Variants in ARPC2 observed in about 807,000 individuals in gnomAD.
The protein encoded by ARPC2 is actin-related protein 2/3 complex subunit 2.
ARPC2 carries 4 observed loss-of-function variants against 38.6 expected under a neutral mutation model. The observed-to-expected ratio is 0.10, with a 90% confidence interval of 0.05 to 0.24. The LOEUF is 0.24. Among genes scored for constraint, ARPC2 ranks in the 10% least tolerant of loss-of-function variants. The pLI, the probability that ARPC2 is intolerant of heterozygous loss-of-function variation, is 1.00. For missense variants in ARPC2, 229 were observed against 387.3 expected, an observed-to-expected ratio of 0.59 and a Z score of 3.43; for synonymous variants, 125 against 140.8, an observed-to-expected ratio of 0.89 and a Z score of 0.79.
chr2:218,245,280 G>T, intron 7 of ARPC2, 140 bp from the exon 8 acceptor site: 2 of 1,020,826 alleles, frequency 2.0e-6, no homozygotes, highest in Non-Finnish European at 2.9e-6. Flanking sequence ...CATATTTCAG[G>T]TTTGGTGTAG....
In ARPC2 at chr2:218,232,576, C is replaced by T. The variant is rs183550578; in HGVS notation, c.223-1776C>T. On this transcript the variant is annotated intron_variant, in intron 4 of 10. Transcript: ENST00000315717. ...TTTTTTTTTTTTTTTTTTTTTGAGA[C>T]GGAGTCTTGCTCTGTCACCCGGGCT... Among the ~76,000 whole-genome samples, 999 of 110,484 alleles carry T rather than the reference C, an allele frequency of 9.0e-3. 9 individuals carry two copies. Among genetic ancestry groups the T allele is most frequent in the African/African-American group, 0.029 (838 of 28,410 alleles). The allele number at this position is 110,484 out of a possible 152,430, so 72.5% of individuals were successfully genotyped here. A position where few individuals can be genotyped will look rare whatever the true frequency, so the allele number is the denominator to read the frequency against.
chr2:218,249,915 C>T lies in ARPC2; in HGVS notation c.872C>T (p.Thr291Ile), dbSNP rs1343696871. The T allele has an allele frequency of 6.2e-7, 1 of 1,610,042 alleles. No individual in the cohort carries two copies. The highest frequency in any genetic ancestry group is 1.7e-5 in the Admixed American group (1 of 59,486). The part of the protein sequence containing the change: ...RPDAEKKEMK[T>I]ITGKTFSSR ...GATGCCGAGAAAAAAGAAATGAAAA[C>T]AATCACGTAAGTTAGGCAGCACCCC... is the stretch of plus-strand genomic sequence containing the variant. The change falls in exon 10 of 11, where the codon ACA becomes ATA. Residue 291 changes from threonine to isoleucine, a missense_variant. Around this residue, in one of 3 missense-constraint regions of ARPC2, gnomAD observed 92 missense variants for 152.3 expected, o/e 0.60. Coordinates refer to ENST00000315717, the MANE Select transcript of ARPC2 (RefSeq NM_152862.3).
chr2:218,220,518 C>G (rs189476814), intron 2 of ARPC2, among the ~76,000 whole-genome samples: 3 of 152,192 alleles, frequency 2.0e-5, no homozygotes, highest in African/African-American at 7.2e-5. Flanking sequence ...ACTGTTCCAG[C>G]TTCTGAAAAT....
chr2:218,227,823 C>T (rs1011034425), intron 3 of ARPC2, among the ~76,000 whole-genome samples: 5 of 152,112 alleles, frequency 3.3e-5, no homozygotes, highest in Admixed American at 6.5e-5. Context: ...AACTCCTGAC[C>T]TCAAGTGATC....
At chr2:218,217,341 C>T (rs1194411407) in intron 1 of ARPC2, 87 bp downstream of exon 1, 4 of 811,048 alleles carry the variant, frequency 4.9e-6, no homozygotes, top group South Asian at 1.6e-5. Flanking sequence ...GGCCCCTCTC[C>T]CCTTCTCCCC....
At chr2:218,219,212 C>T (rs1273845203) in intron 2 of ARPC2, among the ~76,000 whole-genome samples, 1 of 152,204 alleles carries the variant, frequency 6.6e-6, no homozygotes, top group Non-Finnish European at 1.5e-5. Context: ...GTATTAATGA[C>T]TTGTGATTCC....
chr2:218,225,818 A>C (rs923252336), intron 2 of ARPC2, 102 bp from the exon 3 acceptor site: 5 of 1,084,514 alleles, frequency 4.6e-6, no homozygotes, highest in Non-Finnish European at 7.1e-6. Context: ...ATTTATACAG[A>C]ATGGTCTGAT....
chr2:218,249,741 A>G (rs1202980620), intron 9 of ARPC2, 80 bp from the exon 10 acceptor site: 2 of 1,386,422 alleles, frequency 1.4e-6, no homozygotes, highest in African/African-American at 1.4e-5. Flanking sequence ...ACCGCCCTTG[A>G]TGACCTCTCT....
chr2:218,234,697 T>G (rs1689727617), intron 5 of ARPC2: 4 of 485,554 alleles, frequency 8.2e-6, no homozygotes, highest in African/African-American at 3.9e-5. Flanking sequence ...TCATGGTGAT[T>G]AAAATGGCTT....
chr2:218,238,389 C>T (rs1264044814), intron 5 of ARPC2, among the ~76,000 whole-genome samples: 2 of 152,198 alleles, frequency 1.3e-5, no homozygotes, highest in African/African-American at 2.4e-5. Flanking sequence ...TTTTGATTAA[C>T]ATTAATTATA....
rs1689968586 is a variant in ARPC2 at position 218,243,761 on chromosome 2, GTGAGACC to G, written c.550-1658_550-1652del. 2.0e-5 allele frequency among the ~76,000 whole-genome samples: 3 copies of G among 152,356 alleles called. No individual in the cohort carries two copies. The South Asian group carries it at 6.2e-4, about 32-fold the overall frequency. On this transcript the variant is annotated intron_variant, in intron 7 of 10. Coordinates refer to ENST00000315717, the MANE Select transcript of ARPC2 (RefSeq NM_152862.3). ...ACTGCACTCCAGCCTGGGTGACAGAGTGAGACCCTGTCTCAAAAAAGAAAGAAAGAAT... is the reference window on the plus strand; with the variant it reads ...ACTGCACTCCAGCCTGGGTGACAGAGCTGTCTCAAAAAAGAAAGAAAGAAT...
Position 218,245,566 on chromosome 2 carries a change from T to C in ARPC2, c.676+20T>C, listed in dbSNP as rs766545190. The C allele has an allele frequency of 2.3e-5, 37 of 1,613,676 alleles. No individual in the cohort carries two copies. The highest frequency in any genetic ancestry group is 3.1e-5 in the Non-Finnish European group (36 of 1,179,832). On this transcript the variant is annotated intron_variant, in intron 8 of 10. Coordinates refer to ENST00000315717, the MANE Select transcript of ARPC2 (RefSeq NM_152862.3). ...CCTTTGGTGAGCAGGGTGCACTTGC[T>C]GCTTTTGTGCCGCTTTAATGAGTTC... is the stretch of plus-strand genomic sequence containing the variant.
At chr2:218,231,654 T>C (rs1196475417) in intron 4 of ARPC2, among the ~76,000 whole-genome samples, 2 of 152,134 alleles carry the variant, frequency 1.3e-5, no homozygotes, top group Admixed American at 1.3e-4. Context: ...TCCTCTTCGG[T>C]AAAAGAAATA....
intron 10 of ARPC2, among the ~76,000 whole-genome samples, chr2:218,251,028 G>C (rs1433756540): frequency 6.6e-6 from 1 of 151,844 alleles, no homozygotes; most frequent in Non-Finnish European, 1.5e-5. Context: ...TAGAGATGGG[G>C]TTTCACCATG....
intron 3 of ARPC2, among the ~76,000 whole-genome samples, chr2:218,228,200 C>G (rs946113644): frequency 2.6e-5 from 4 of 151,820 alleles, no homozygotes; most frequent in Non-Finnish European, 4.4e-5. Flanking sequence ...GTCAGGAGTT[C>G]GAGACCAGCC....
chr2:218,231,291 AG>A (rs566158340), intron 4 of ARPC2, among the ~76,000 whole-genome samples: 125 of 152,316 alleles, frequency 8.2e-4, no homozygotes, highest in African/African-American at 1.1e-3. Context: ...TGAAGTGACA[AG>A]GAAGTGTTGG....
chr2:218,250,625 C>T (rs1203617404), intron 10 of ARPC2, among the ~76,000 whole-genome samples: 1 of 148,116 alleles, frequency 6.8e-6, no homozygotes, highest in Non-Finnish European at 1.5e-5. Flanking sequence ...GATTGTGCCA[C>T]TGCACTCCAG....
At chr2:218,227,822 C>A (rs188368446) in intron 3 of ARPC2, among the ~76,000 whole-genome samples, 1 of 152,238 alleles carries the variant, frequency 6.6e-6, no homozygotes, top group African/African-American at 2.4e-5. Context: ...GAACTCCTGA[C>A]CTCAAGTGAT....
At chr2:218,243,042 A>T (rs556368497) in intron 7 of ARPC2, among the ~76,000 whole-genome samples, 46 of 152,356 alleles carry the variant, frequency 3.0e-4, no homozygotes, top group African/African-American at 1.0e-3. Context: ...CTCGAAGGTT[A>T]TAAAGAAATT....
Sources: allele counts gnomAD v4.1 joint callset (sites outside exome capture counted in the v4.1 genomes callset), GRCh38; gene constraint gnomAD v4.1.1; regional missense constraint gnomAD v4.1.1; transcripts MANE v1.5; gene names NCBI Gene and HGNC (gene_info 2026-07-23, HGNC 2026-07-21).